The following KIF6 variants were observed in gnomAD, a reference collection of about 807,000 sequenced individuals.
KIF6 encodes kinesin family member 6.
In KIF6, 106 loss-of-function variants were observed where a neutral mutation model predicts 112.7. The observed-to-expected ratio is 0.94, with a 90% CI of 0.80 to 1.11. The LOEUF (loss-of-function observed/expected upper bound fraction) is 1.11. Among genes scored for constraint, KIF6 ranks in the 50% least tolerant of loss-of-function variants. KIF6 has a pLI of 0.00. For synonymous variants in KIF6, 339 were observed against 339.9 expected, an observed-to-expected ratio of 1.00 and a Z score of 0.03; for missense variants, 929 against 964.0, an observed-to-expected ratio of 0.96 and a Z score of 0.48.
intron 3 of KIF6, among the ~76,000 whole-genome samples, chr6:39,707,081 A>C (rs1477582256): frequency 6.6e-6 from 1 of 152,216 alleles, no homozygotes; most frequent in Non-Finnish European, 1.5e-5. Flanking sequence ...CAAAACCAGG[A>C]AATTGACATT....
At chr6:39,419,866 G>T in intron 15 of KIF6, 82 bp downstream of exon 15, 1 of 1,197,820 alleles carries the variant, frequency 8.3e-7, no homozygotes, top group Non-Finnish European at 1.2e-6. Context: ...GGGGCTTCAT[G>T]GCCATTTGGA....
intron 5 of KIF6, among the ~76,000 whole-genome samples, chr6:39,616,664 G>A (rs1359786713): frequency 2.6e-5 from 4 of 152,032 alleles, no homozygotes; most frequent in African/African-American, 2.4e-5. Flanking sequence ...ATACTGCCCC[G>A]CCTGCCTCCC....
At chr6:39,431,000 A>G in intron 14 of KIF6, 53 bp downstream of exon 14, 1 of 1,040,254 alleles carries the variant, frequency 9.6e-7, no homozygotes, top group Non-Finnish European at 1.5e-6. Context: ...AATCTCTTCT[A>G]GGCTGGCCTG....
chr6:39,641,896 A>T (rs1038803248), intron 3 of KIF6, among the ~76,000 whole-genome samples: 1 of 152,152 alleles, frequency 6.6e-6, no homozygotes, highest in African/African-American at 2.4e-5. Flanking sequence ...GGAAAACCAG[A>T]TGACATAGCT....
At chr6:39,661,109 G>C (rs1302506107) in intron 3 of KIF6, among the ~76,000 whole-genome samples, 1 of 152,146 alleles carries the variant, frequency 6.6e-6, no homozygotes, top group Non-Finnish European at 1.5e-5. Context: ...CCTACTCACA[G>C]TGACTATAAC....
chr6:39,592,780 C>G (rs1057243477), intron 7 of KIF6, among the ~76,000 whole-genome samples: 8 of 152,134 alleles, frequency 5.3e-5, no homozygotes, highest in Admixed American at 1.3e-4. Flanking sequence ...CATACTCTGG[C>G]AAAAAGAAAG....
At chr6:39,710,527 T>C (rs140927700) in intron 3 of KIF6, among the ~76,000 whole-genome samples, 181 of 148,430 alleles carry the variant, frequency 1.2e-3, no homozygotes, top group African/African-American at 4.4e-3. Flanking sequence ...AAAGGGAGGA[T>C]ACCACATTCA....
At chr6:39,527,774 G>A (rs1285913032) in intron 13 of KIF6, among the ~76,000 whole-genome samples, 4 of 151,880 alleles carry the variant, frequency 2.6e-5, no homozygotes, top group Non-Finnish European at 4.4e-5. Flanking sequence ...ACTCTACACG[G>A]GTTTCCTTGT....
chr6:39,482,819 G>T (rs971781866), intron 13 of KIF6, among the ~76,000 whole-genome samples: 2 of 152,162 alleles, frequency 1.3e-5, no homozygotes, highest in African/African-American at 4.8e-5. Context: ...GCAGATGTCT[G>T]CCAAGGGCTC....
chr6:39,617,508 A>G (rs1284179796), intron 5 of KIF6, among the ~76,000 whole-genome samples: 1 of 152,062 alleles, frequency 6.6e-6, no homozygotes, highest in African/African-American at 2.4e-5. Flanking sequence ...GGTGATTTCT[A>G]TTTTTTATCT....
At chr6:39,690,654 A>G (rs542645195) in intron 3 of KIF6, 2 of 152,560 alleles carry the variant, frequency 1.3e-5, no homozygotes, top group East Asian at 3.9e-4. Context: ...AATGAACAGG[A>G]ATTGTTATTG....
intron 22 of KIF6, among the ~76,000 whole-genome samples, chr6:39,338,686 C>G (rs1763157335): frequency 6.6e-6 from 1 of 152,174 alleles, no homozygotes; most frequent in Non-Finnish European, 1.5e-5. Context: ...GGGGTGGGTC[C>G]AGGTGATTCT....
chr6:39,451,419 C>G (rs935534737), intron 13 of KIF6, among the ~76,000 whole-genome samples: 1 of 152,164 alleles, frequency 6.6e-6, no homozygotes, highest in African/African-American at 2.4e-5. Flanking sequence ...TTTCTGTAGG[C>G]TGGATTCTCA....
At chr6:39,563,957 G>T (rs1780151783) in intron 10 of KIF6, among the ~76,000 whole-genome samples, 1 of 152,156 alleles carries the variant, frequency 6.6e-6, no homozygotes, top group South Asian at 2.1e-4. Context: ...ATGGTTACTT[G>T]CATTCTCCAA....
chr6:39,343,158 G>A lies in KIF6; in HGVS notation c.2428+551C>T, dbSNP rs1763438346. On this transcript the variant is annotated intron_variant, in intron 22 of 22. Transcript: ENST00000287152. This position sits in a 1 kb window ranked among gnomAD's most constrained non-coding sequence, Gnocchi z 4.1. ...AAGAGGACGGGGCTGGGGGTGGAGGGGGCAGTGATGCAGACCAAGAAGAGC... is the reference window on the plus strand; with the variant it reads ...AAGAGGACGGGGCTGGGGGTGGAGGAGGCAGTGATGCAGACCAAGAAGAGC... 5.1e-6 allele frequency: 5 copies of A among 985,292 alleles called. No individual in the cohort carries two copies. The highest frequency in any genetic ancestry group is 5.2e-4 in the Middle Eastern group (1 of 1,912). The allele number at this position is 985,292 out of a possible 1,614,324, so 61.0% of individuals were successfully genotyped here. A position where few individuals can be genotyped will look rare whatever the true frequency, so the allele number is the denominator to read the frequency against.
chr6:39,527,152 C>G (rs1389773799), intron 13 of KIF6, among the ~76,000 whole-genome samples: 2 of 152,168 alleles, frequency 1.3e-5, no homozygotes, highest in African/African-American at 4.8e-5. Context: ...AAGGAACTGA[C>G]TCAAGGTTTG....
At chr6:39,440,256 G>A (rs1051417483) in intron 13 of KIF6, among the ~76,000 whole-genome samples, 1 of 152,086 alleles carries the variant, frequency 6.6e-6, no homozygotes, top group African/African-American at 2.4e-5. Flanking sequence ...GATGATTCAC[G>A]GTGGGAATCG....
intron 3 of KIF6, among the ~76,000 whole-genome samples, chr6:39,684,396 A>C (rs961743223): frequency 4.0e-5 from 6 of 151,782 alleles, no homozygotes; most frequent in African/African-American, 1.5e-4. Flanking sequence ...GTGGGTGATC[A>C]CCTGAGGTTG....
At chr6:39,512,163 A>T (rs1776823366) in intron 13 of KIF6, among the ~76,000 whole-genome samples, 1 of 152,216 alleles carries the variant, frequency 6.6e-6, no homozygotes, top group Non-Finnish European at 1.5e-5. Flanking sequence ...CGGTATAAAG[A>T]ATCAGAAATA....
Sources: gnomAD v4.1 joint callset for allele counts (sites outside exome capture counted in the v4.1 genomes callset) on GRCh38, gnomAD v4.1.1 for gene constraint, Gnocchi (gnomAD v3.1) non-coding constraint, MANE v1.5 for transcripts, NCBI Gene and HGNC (gene_info 2026-07-23, HGNC 2026-07-21) for gene names.